ZNF780B: variants seen among roughly 807,000 people sequenced by gnomAD.
The protein encoded by ZNF780B is zinc finger protein 779.
ZNF780B carries 52 observed loss-of-function variants against 74.1 expected under a neutral mutation model. The observed-to-expected ratio is 0.70, with a 90% CI of 0.56 to 0.88. The LOEUF is 0.88. ZNF780B is among the 40% of genes least tolerant of loss of function. The pLI, the probability that ZNF780B is intolerant of heterozygous loss-of-function variation, is 0.00. For synonymous variants in ZNF780B, 315 were observed against 324.3 expected, an observed-to-expected ratio of 0.97 and a Z score of 0.31; for missense variants, 953 against 1,007.6, an observed-to-expected ratio of 0.95 and a Z score of 0.73.
intron 4 of ZNF780B, among the ~76,000 whole-genome samples, chr19:40,041,798 G>T (rs1450128324): frequency 2.0e-5 from 3 of 152,078 alleles, no homozygotes; most frequent in African/African-American, 7.2e-5. Context: ...GCCTATGTGT[G>T]TCTCTGCATG....
At chr19:40,041,657 G>A (rs1166168588) in intron 4 of ZNF780B, among the ~76,000 whole-genome samples, 5 of 152,166 alleles carry the variant, frequency 3.3e-5, no homozygotes, top group African/African-American at 9.7e-5. Flanking sequence ...TTACCATTAT[G>A]TAATGGCCTT....
At chr19:40,042,742 T>A (rs1009767380) in intron 4 of ZNF780B, among the ~76,000 whole-genome samples, 2 of 152,224 alleles carry the variant, frequency 1.3e-5, no homozygotes, top group Non-Finnish European at 2.9e-5. Flanking sequence ...AGCCTTGGCT[T>A]TCAGCTCCAT....
intron 4 of ZNF780B, 116 bp downstream of exon 4, chr19:40,047,259 C>T: frequency 1.2e-6 from 1 of 862,720 alleles, no homozygotes; most frequent in Non-Finnish European, 1.9e-6. Context: ...AGTGGGGGAC[C>T]TTGGGTTATT....
At chr19:40,054,145 ACTCT>A (rs1225493141) in intron 1 of ZNF780B, among the ~76,000 whole-genome samples, 1 of 152,030 alleles carries the variant, frequency 6.6e-6, no homozygotes, top group Admixed American at 6.6e-5. Context: ...AGAGTAAGAC[ACTCT>A]CTCTCAAAAA....
intron 4 of ZNF780B, 109 bp downstream of exon 4, chr19:40,047,266 T>C (rs913741802): frequency 1.1e-6 from 1 of 925,456 alleles, no homozygotes; most frequent in Middle Eastern, 3.1e-4. Context: ...GACCTTGGGT[T>C]ATTGAAGAAA....
Position 40,045,848 on chromosome 19 carries a change from C to G in ZNF780B, c.232+1527G>C, listed in dbSNP as rs571059681. Among the ~76,000 whole-genome samples, 1,193 of 152,114 alleles carry G rather than the reference C, an allele frequency of 7.8e-3. 6 individuals carry two copies. Among genetic ancestry groups the G allele is most frequent in the Non-Finnish European group, 0.012 (793 of 67,982 alleles). On this transcript the variant is annotated intron_variant, in intron 4 of 4. Coordinates refer to ENST00000434248, the MANE Select transcript of ZNF780B (RefSeq NM_001005851.3). ...ATTAAAAATACAAAAATTAGCCAGG[C>G]GTGGTGGCAGGCACCTGTAATCCCA...
intron 4 of ZNF780B, among the ~76,000 whole-genome samples, chr19:40,038,725 G>A (rs1409391507): frequency 1.1e-4 from 16 of 152,304 alleles, no homozygotes; most frequent in Admixed American, 3.3e-4. Context: ...TTTGAGAAGC[G>A]TCTGTTCACA....
intron 2 of ZNF780B, 175 bp from the exon 3 acceptor site, chr19:40,048,971 A>T (rs10403380): frequency 9.6e-7 from 1 of 1,040,488 alleles, no homozygotes; most frequent in Non-Finnish European, 1.4e-6. Flanking sequence ...TGCCTGTTAT[A>T]CCAGCACTTT....
chr19:40,044,015 C>A (rs764088415), intron 4 of ZNF780B, among the ~76,000 whole-genome samples: 1 of 152,214 alleles, frequency 6.6e-6, no homozygotes, highest in African/African-American at 2.4e-5. Context: ...GGGAGCTGTA[C>A]ACCGGAGCTG....
At chr19:40,039,250 T>A (rs1035415396) in intron 4 of ZNF780B, among the ~76,000 whole-genome samples, 1 of 152,262 alleles carries the variant, frequency 6.6e-6, no homozygotes, top group African/African-American at 2.4e-5. Flanking sequence ...CTGAGGGCTC[T>A]GCTCTGTTCC....
intron 4 of ZNF780B, among the ~76,000 whole-genome samples, chr19:40,037,906 AT>A (rs932102768): frequency 3.4e-5 from 5 of 145,076 alleles, no homozygotes; most frequent in Admixed American, 1.4e-4. Flanking sequence ...ATATATATAT[AT>A]TTTTTTAATT....
Position 40,032,266 on chromosome 19 carries a change from A to T in ZNF780B, c.*2091T>A, listed in dbSNP as rs894493390. 17 of 361,848 alleles carry T rather than the reference A, an allele frequency of 4.7e-5. No individual in the cohort carries two copies. Among genetic ancestry groups the T allele is most frequent in the Admixed American group, 1.5e-4 (4 of 26,688 alleles). The allele number at this position is 361,848 out of a possible 1,614,324, so 22.4% of individuals were successfully genotyped here. ...TAAAAAACAGAGGCCCAGGCTTATA[A>T]ACTAGGGCTACACTTCTGTAGGTTT... On this transcript the variant is annotated 3_prime_UTR_variant, in exon 5 of 5. Transcript: ENST00000434248.
rs370029934 is a variant in ZNF780B at position 40,036,583 on chromosome 19, A to T, written c.276T>A (p.Asn92Lys). 6.4e-7 allele frequency: 1 copy of T among 1,564,594 alleles called. No homozygotes were observed. Among genetic ancestry groups the T allele is most frequent in the East Asian group, 2.3e-5 (1 of 44,190 alleles). The change falls in exon 5 of 5, where the codon AAT becomes AAA. Residue 92 changes from asparagine to lysine, a missense_variant. Coordinates refer to ENST00000434248, the MANE Select transcript of ZNF780B (RefSeq NM_001005851.3). ...KYGPEKISPE[N>K]DIFEINLPKH... Reference sequence around the variant, plus strand: ...TGGGTAAATTTATTTCAAAAATATCATTTTCTGGAGATATTTTCTCAGGTC... The same window carrying T: ...TGGGTAAATTTATTTCAAAAATATCTTTTTCTGGAGATATTTTCTCAGGTC...
chr19:40,036,023 CATTG>C lies in ZNF780B; in HGVS notation c.832_835del (p.Gln278ValfsTer67). The C allele has an allele frequency of 1.2e-6, 2 of 1,614,098 alleles. No individual in the cohort carries two copies. The highest frequency in any genetic ancestry group is 2.2e-5 in the South Asian group (2 of 91,078). ...ATTAAAGGCTTTCCCACACTCCTTA[CATTG>C]ATATGGTTTTACACCAGCATGAATA... On this transcript the variant is annotated frameshift_variant, in exon 5 of 5. Coordinates refer to ENST00000434248, the MANE Select transcript of ZNF780B (RefSeq NM_001005851.3). LOFTEE classifies it high-confidence loss of function.
At chr19:40,051,870 T>A (rs969647505) in intron 1 of ZNF780B, among the ~76,000 whole-genome samples, 7 of 152,228 alleles carry the variant, frequency 4.6e-5, no homozygotes, top group Admixed American at 4.6e-4. Flanking sequence ...CATTAAAATA[T>A]CATTTTGGAT....
rs191968005 is a variant in ZNF780B at position 40,035,909 on chromosome 19, T to C, written c.950A>G (p.His317Arg). The change falls in exon 5 of 5, where the codon CAT becomes CGT. Residue 317 changes from histidine (H) to arginine (R), a missense_variant. Physicochemically the swap from His to Arg is conservative, Grantham distance 29. Transcript: ENST00000434248. Reference protein sequence around the residue: ...CRECEMAFRYHYQLIEHCRIH... With the variant: ...CRECEMAFRYRYQLIEHCRIH... ...TCGGCAATGTTCAATGAGTTGGTAATGATATCGAAAGGCCATCTCACATTC... is the reference window on the plus strand; with the variant it reads ...TCGGCAATGTTCAATGAGTTGGTAACGATATCGAAAGGCCATCTCACATTC... The C allele has an allele frequency of 2.4e-5, 38 of 1,613,528 alleles. No homozygotes were observed. Among genetic ancestry groups the C allele is most frequent in the Middle Eastern group, 1.7e-4 (1 of 6,054 alleles).
At chr19:40,044,134 G>T (rs1972817623) in intron 4 of ZNF780B, among the ~76,000 whole-genome samples, 1 of 152,144 alleles carries the variant, frequency 6.6e-6, no homozygotes. Flanking sequence ...CGTAACATAT[G>T]GGACATCATA....
chr19:40,041,591 T>C (rs962651859), intron 4 of ZNF780B, among the ~76,000 whole-genome samples: 11 of 152,234 alleles, frequency 7.2e-5, no homozygotes, highest in Non-Finnish European at 1.5e-5. Context: ...TGGGTGCTCC[T>C]GTATTGGGTG....
At chr19:40,051,791 T>C (rs1199552977) in intron 1 of ZNF780B, among the ~76,000 whole-genome samples, 2 of 152,218 alleles carry the variant, frequency 1.3e-5, no homozygotes, top group Admixed American at 6.5e-5. Context: ...AAGTGGCATC[T>C]GGAAACTACA....
Sources: allele counts gnomAD v4.1 joint callset (sites outside exome capture counted in the v4.1 genomes callset), GRCh38; gene constraint gnomAD v4.1.1; transcripts MANE v1.5; gene names NCBI Gene and HGNC (gene_info 2026-07-23, HGNC 2026-07-21).